Variants in TTC28 observed in about 807,000 individuals in gnomAD.
TTC28 encodes the protein tetratricopeptide repeat protein 28.
In TTC28, 61 loss-of-function variants were observed where a neutral mutation model predicts 198.0. The ratio of observed to expected loss-of-function variants is 0.31; its 90% CI spans 0.25 to 0.38. TTC28 has a LOEUF of 0.38. Ranked by LOEUF, TTC28 falls within the 10% of genes least tolerant of loss-of-function variation. The pLI is 1.00. For synonymous variants in TTC28, 1,171 were observed against 1,297.8 expected, an observed-to-expected ratio of 0.90 and a Z score of 2.10; for missense variants, 2,678 against 3,164.0, an observed-to-expected ratio of 0.85 and a Z score of 3.69.
At chr22:27,984,344 C>T (rs1193376366) in intron 22 of TTC28, among the ~76,000 whole-genome samples, 1 of 152,074 alleles carries the variant, frequency 6.6e-6, no homozygotes, top group Non-Finnish European at 1.5e-5. Flanking sequence ...AGGTTTTAGT[C>T]CCTATCATTC....
At chr22:28,492,809 A>G (rs1568977854) in intron 2 of TTC28, among the ~76,000 whole-genome samples, 1 of 152,198 alleles carries the variant, frequency 6.6e-6, no homozygotes, top group Non-Finnish European at 1.5e-5. Context: ...CCTTTCTCCA[A>G]AAATGAACAA....
intron 2 of TTC28, among the ~76,000 whole-genome samples, chr22:28,626,260 A>G (rs1158385124): frequency 6.6e-6 from 1 of 152,128 alleles, no homozygotes; most frequent in African/African-American, 2.4e-5. Context: ...CCTCTTTTAC[A>G]GCCCATATCA....
chr22:28,153,265 T>C (rs954180986), intron 6 of TTC28, among the ~76,000 whole-genome samples: 64 of 152,058 alleles, frequency 4.2e-4, no homozygotes, highest in African/African-American at 1.5e-3. Context: ...ACCACCACAA[T>C]TGCTACCAAA....
chr22:28,610,250 C>G (rs1464060858), intron 2 of TTC28, among the ~76,000 whole-genome samples: 25 of 152,202 alleles, frequency 1.6e-4, no homozygotes, highest in Non-Finnish European at 2.4e-4. Context: ...ACAGGTCAGA[C>G]TGCCTCCTCA....
At chr22:28,629,473 C>G in intron 2 of TTC28, 79 bp downstream of exon 2, 1 of 1,372,822 alleles carries the variant, frequency 7.3e-7, no homozygotes, top group Non-Finnish European at 9.7e-7. Context: ...TACACTAAAT[C>G]AACAAAATAT....
In TTC28 at chr22:28,656,371, G is replaced by A. The variant is rs967746501; in HGVS notation, c.102+23251C>T. On this transcript the variant is annotated intron_variant, in intron 1 of 22. Coordinates refer to ENST00000397906, the MANE Select transcript of TTC28 (RefSeq NM_001145418.2). Reference sequence around the variant, plus strand: ...AAATGTCATTAAGGCAGCACTCACAGGAACAGCAGAGAGGAAGGCCATGAC... The same window carrying A: ...AAATGTCATTAAGGCAGCACTCACAAGAACAGCAGAGAGGAAGGCCATGAC... Among the ~76,000 whole-genome samples the A allele has an allele frequency of 1.8e-4, 27 of 152,300 alleles. No individual in the cohort carries two copies. In the Middle Eastern group the frequency reaches 0.01, roughly 58 times the overall value.
At chr22:28,568,433 AGAT>A (rs1334868857) in intron 2 of TTC28, among the ~76,000 whole-genome samples, 6 of 152,348 alleles carry the variant, frequency 3.9e-5, no homozygotes, top group Admixed American at 1.3e-4. Flanking sequence ...CTCTCTTCAC[AGAT>A]GATATGATGC....
chr22:28,217,215 C>T (rs1927474407), intron 5 of TTC28, among the ~76,000 whole-genome samples: 1 of 152,084 alleles, frequency 6.6e-6, no homozygotes, highest in Non-Finnish European at 1.5e-5. Context: ...ATACACACTG[C>T]ATATCAAAAG....
At chr22:28,416,248 A>G (rs2047166506) in intron 2 of TTC28, among the ~76,000 whole-genome samples, 1 of 152,150 alleles carries the variant, frequency 6.6e-6, no homozygotes, top group African/African-American at 2.4e-5. Context: ...ACAATATTCT[A>G]TGGATTGCTT....
chr22:28,116,837 T>A (rs1304916323), intron 6 of TTC28, among the ~76,000 whole-genome samples: 1 of 152,210 alleles, frequency 6.6e-6, no homozygotes, highest in Non-Finnish European at 1.5e-5. Flanking sequence ...ATTTGTGCGC[T>A]TTCCTGATTC....
chr22:28,492,724 C>T (rs1412406013), intron 2 of TTC28, among the ~76,000 whole-genome samples: 1 of 152,122 alleles, frequency 6.6e-6, no homozygotes, highest in Admixed American at 6.6e-5. Context: ...GGAGATAGGG[C>T]TAAAACTAGG....
chr22:28,229,272 T>G (rs1043911855), intron 5 of TTC28, among the ~76,000 whole-genome samples: 1 of 152,206 alleles, frequency 6.6e-6, no homozygotes, highest in Middle Eastern at 3.2e-3. Context: ...TCTTTAAAAA[T>G]CACACACAGA....
chr22:28,590,272 C>T (rs1435643068), intron 2 of TTC28, among the ~76,000 whole-genome samples: 3 of 151,578 alleles, frequency 2.0e-5, no homozygotes, highest in East Asian at 2.0e-4. Flanking sequence ...GGACTACAGG[C>T]GCCCACCACC....
intron 2 of TTC28, among the ~76,000 whole-genome samples, chr22:28,460,696 C>G (rs1312323749): frequency 1.3e-5 from 2 of 151,512 alleles, no homozygotes; most frequent in Non-Finnish European, 2.9e-5. Flanking sequence ...GGCAGGCAGG[C>G]AGATTGAGAT....
intron 2 of TTC28, among the ~76,000 whole-genome samples, chr22:28,419,127 A>C (rs997566623): frequency 2.0e-5 from 3 of 152,196 alleles, no homozygotes; most frequent in African/African-American, 7.2e-5. Flanking sequence ...CTAAGAGCCA[A>C]AGAACCCCTA....
intron 5 of TTC28, among the ~76,000 whole-genome samples, chr22:28,269,619 C>G (rs559528484): frequency 6.6e-6 from 1 of 152,240 alleles, no homozygotes; most frequent in Non-Finnish European, 1.5e-5. Flanking sequence ...ACATGTAACC[C>G]TGGGCTGCAA....
intron 2 of TTC28, among the ~76,000 whole-genome samples, chr22:28,350,860 A>C (rs912680274): frequency 2.0e-5 from 3 of 152,178 alleles, no homozygotes; most frequent in African/African-American, 7.2e-5. Flanking sequence ...CAGTAAATAA[A>C]GTTTGAGAAT....
At chr22:28,387,632 T>A (rs1285919433) in intron 2 of TTC28, among the ~76,000 whole-genome samples, 1 of 152,234 alleles carries the variant, frequency 6.6e-6, no homozygotes, top group African/African-American at 2.4e-5. Flanking sequence ...TTTGGCTGCA[T>A]AAATGTCTTC....
chr22:28,243,698 T>C (rs1929865789), intron 5 of TTC28, among the ~76,000 whole-genome samples: 1 of 151,998 alleles, frequency 6.6e-6, no homozygotes, highest in South Asian at 2.1e-4. Context: ...TAGTGGCATG[T>C]GGGGTGGGAT....
Sources: gnomAD v4.1 joint callset for allele counts (sites outside exome capture counted in the v4.1 genomes callset) on GRCh38, gnomAD v4.1.1 for gene constraint, MANE v1.5 for transcripts, NCBI Gene and HGNC (gene_info 2026-07-23, HGNC 2026-07-21) for gene names.